ZFAND3: variants seen among roughly 807,000 people sequenced by gnomAD.
ZFAND3 encodes the protein zinc finger AN1-type containing 3.
A neutral mutation model predicts 29.6 loss-of-function variants in ZFAND3; 10 were observed. That is an observed-to-expected ratio of 0.34 (90% CI 0.21 to 0.57). The LOEUF (loss-of-function observed/expected upper bound fraction) is 0.57, where lower values mean the gene tolerates loss of function less well. ZFAND3 is among the 20% of genes least tolerant of loss of function. The pLI is 0.86. For missense variants in ZFAND3, 230 were observed against 304.5 expected, an observed-to-expected ratio of 0.76 and a Z score of 1.82; for synonymous variants, 128 against 112.6, an observed-to-expected ratio of 1.14 and a Z score of -0.87.
At chr6:37,978,935 T>G (rs1016713092) in intron 2 of ZFAND3, among the ~76,000 whole-genome samples, 1 of 152,104 alleles carries the variant, frequency 6.6e-6, no homozygotes, top group Non-Finnish European at 1.5e-5. Context: ...ACCTCTCATT[T>G]CTGATACTGA....
intron 1 of ZFAND3, among the ~76,000 whole-genome samples, chr6:37,837,578 C>T (rs1763992520): frequency 6.6e-6 from 1 of 150,834 alleles, no homozygotes; most frequent in Non-Finnish European, 1.5e-5. Flanking sequence ...AATCTTGGCT[C>T]ACTGCAACCT....
In ZFAND3 at chr6:37,904,284, C is replaced by T. The variant is rs1402712338; in HGVS notation, c.72-25675C>T. Among the ~76,000 whole-genome samples the T allele has an allele frequency of 4.6e-5, 7 of 152,204 alleles. No homozygotes were observed. The South Asian group carries it at 1.5e-3, about 32-fold the overall frequency. ...CACCTTTGACATGCAGCAGAAGTAC[C>T]GTTTTAGAAGGAAGGAGTGGTTTAG... On this transcript the variant is annotated intron_variant, in intron 1 of 5. Transcript: ENST00000287218.
intron 2 of ZFAND3, among the ~76,000 whole-genome samples, chr6:37,970,569 A>C (rs1447200737): frequency 1.3e-5 from 2 of 152,110 alleles, no homozygotes; most frequent in African/African-American, 4.8e-5. Flanking sequence ...AAAGATTGGA[A>C]TAGGATTGGA....
intron 1 of ZFAND3, chr6:37,915,780 AT>A (rs1761237043): frequency 6.6e-6 from 1 of 151,916 alleles, no homozygotes; most frequent in Non-Finnish European, 1.5e-5. Context: ...TTGTTTATTT[AT>A]TTTTTCAGAC....
intron 1 of ZFAND3, among the ~76,000 whole-genome samples, chr6:37,850,634 C>T (rs1342022575): frequency 6.6e-6 from 1 of 152,162 alleles, no homozygotes; most frequent in African/African-American, 2.4e-5. Flanking sequence ...TAGGCCATAC[C>T]ACATAGCCTA....
At chr6:37,985,058 CTTTAG>C (rs1489810707) in intron 2 of ZFAND3, among the ~76,000 whole-genome samples, 2 of 152,178 alleles carry the variant, frequency 1.3e-5, no homozygotes, top group African/African-American at 4.8e-5. Flanking sequence ...TTCTCTCAGT[CTTTAG>C]TTTATTAAAT....
intron 1 of ZFAND3, among the ~76,000 whole-genome samples, chr6:37,822,188 C>T (rs1486805329): frequency 6.6e-6 from 1 of 152,186 alleles, no homozygotes; most frequent in East Asian, 1.9e-4. Context: ...AGTTTGGTGG[C>T]AGCAGACAGG....
At chr6:38,009,895 C>G (rs1361728007) in intron 2 of ZFAND3, among the ~76,000 whole-genome samples, 1 of 152,072 alleles carries the variant, frequency 6.6e-6, no homozygotes, top group African/African-American at 2.4e-5. Context: ...CTTGTTTTGG[C>G]CTTTTTGCTG....
intron 2 of ZFAND3, among the ~76,000 whole-genome samples, chr6:38,017,102 C>T (rs1180121435): frequency 1.3e-5 from 2 of 152,156 alleles, no homozygotes; most frequent in Admixed American, 1.3e-4. Context: ...CCAGTGAAAG[C>T]ATTATAGGCA....
chr6:38,154,127 C>G lies in ZFAND3; in HGVS notation c.*1738C>G. 3 of 985,578 alleles carry G rather than the reference C, an allele frequency of 3.0e-6. No homozygotes were observed. Among genetic ancestry groups the G allele is most frequent in the Non-Finnish European group, 3.6e-6 (3 of 829,990 alleles). 61.1% of individuals were successfully genotyped at this position (985,578 alleles called of 1,614,324 possible). ...GCAACCCAGGGCAGAGGGGCCAGGT[C>G]TGCCCAGCGTTTACCACTGCTGTCA... On this transcript the variant is annotated 3_prime_UTR_variant, in exon 6 of 6. Coordinates refer to ENST00000287218, the MANE Select transcript of ZFAND3 (RefSeq NM_021943.3).
At chr6:38,107,084 C>G (rs1055101973) in intron 4 of ZFAND3, among the ~76,000 whole-genome samples, 6 of 152,028 alleles carry the variant, frequency 3.9e-5, no homozygotes, top group African/African-American at 1.2e-4. Context: ...CAACTACTAA[C>G]AGCAGTGTGG....
chr6:37,866,119 G>C (rs1434901333), intron 1 of ZFAND3, among the ~76,000 whole-genome samples: 2 of 152,042 alleles, frequency 1.3e-5, no homozygotes, highest in African/African-American at 4.8e-5. Flanking sequence ...GCTGCCCCAG[G>C]CTCTGTAGTG....
chr6:37,984,370 G>A (rs774540029), intron 2 of ZFAND3, among the ~76,000 whole-genome samples: 3 of 152,174 alleles, frequency 2.0e-5, no homozygotes, highest in Admixed American at 6.5e-5. Context: ...CAGGTTTCCC[G>A]TTGTACATAT....
intron 1 of ZFAND3, among the ~76,000 whole-genome samples, chr6:37,840,034 T>C (rs1764043710): frequency 6.6e-6 from 1 of 152,212 alleles, no homozygotes; most frequent in Admixed American, 6.5e-5. Flanking sequence ...AGGTCACAAA[T>C]ATTTACACTA....
intron 2 of ZFAND3, among the ~76,000 whole-genome samples, chr6:37,933,242 C>A (rs992288734): frequency 2.0e-5 from 3 of 152,164 alleles, no homozygotes; most frequent in Non-Finnish European, 4.4e-5. Flanking sequence ...TAAACATTTT[C>A]TTTTCAAGAT....
chr6:37,835,436 C>T (rs1447219702), intron 1 of ZFAND3, among the ~76,000 whole-genome samples: 4 of 149,416 alleles, frequency 2.7e-5, no homozygotes, highest in Non-Finnish European at 4.4e-5. Flanking sequence ...GGATTACAGG[C>T]GTGAGCCACC....
intron 5 of ZFAND3, among the ~76,000 whole-genome samples, chr6:38,144,211 A>AATATATATAT (rs1554183991): frequency 3.3e-4 from 15 of 45,852 alleles, no homozygotes; most frequent in African/African-American, 1.6e-3. Flanking sequence ...ATATATATAT[A>AATATATATAT]ATATATAATA....
intron 2 of ZFAND3, among the ~76,000 whole-genome samples, chr6:37,969,526 T>C (rs6901928): frequency 0.027 from 4,145 of 152,322 alleles, 183 homozygotes; most frequent in African/African-American, 0.093. Context: ...TTTTATTAAA[T>C]AGTGTACCAA....
At chr6:38,015,016 C>A (rs932630893) in intron 2 of ZFAND3, among the ~76,000 whole-genome samples, 2 of 152,184 alleles carry the variant, frequency 1.3e-5, no homozygotes, top group African/African-American at 2.4e-5. Context: ...AATATGATGA[C>A]TAAACCAAGA....
Sources: allele counts gnomAD v4.1 joint callset (sites outside exome capture counted in the v4.1 genomes callset), GRCh38; gene constraint gnomAD v4.1.1; transcripts MANE v1.5; gene names NCBI Gene and HGNC (gene_info 2026-07-23, HGNC 2026-07-21).